The following CADM1 variants were observed in gnomAD, a reference collection of about 807,000 sequenced individuals.
CADM1 encodes TSLC-1.
In CADM1, 15 loss-of-function variants were observed where a neutral mutation model predicts 53.1. The ratio of observed to expected loss-of-function variants is 0.28; its 90% CI spans 0.19 to 0.44. CADM1 has a LOEUF of 0.44. CADM1 is among the 20% of genes least tolerant of loss of function. CADM1 has a pLI of 1.00. For missense variants in CADM1, 434 were observed against 611.3 expected, an observed-to-expected ratio of 0.71 and a Z score of 3.06; for synonymous variants, 281 against 243.0, an observed-to-expected ratio of 1.16 and a Z score of -1.45.
At chr11:115,439,637 T>C (rs1228300696) in intron 1 of CADM1, among the ~76,000 whole-genome samples, 2 of 152,222 alleles carry the variant, frequency 1.3e-5, no homozygotes, top group Non-Finnish European at 2.9e-5. Flanking sequence ...CATAAATTAT[T>C]ATGCAAAGTC....
At chr11:115,351,527 G>C (rs1290941092) in intron 1 of CADM1, among the ~76,000 whole-genome samples, 1 of 152,174 alleles carries the variant, frequency 6.6e-6, no homozygotes, top group Non-Finnish European at 1.5e-5. Context: ...ACATCAGTAA[G>C]ACTGAAATCA....
intron 1 of CADM1, among the ~76,000 whole-genome samples, chr11:115,382,096 C>T (rs1044677425): frequency 7.2e-5 from 11 of 152,210 alleles, no homozygotes; most frequent in East Asian, 1.9e-4. Flanking sequence ...CCACCCGCCT[C>T]GGCCTCCCAA....
In CADM1 at chr11:115,230,869, A is replaced by G. The variant is rs557601967; in HGVS notation, c.562+484T>C. The stretch of plus-strand genomic sequence containing the variant: ...TTGCAGGAAAGCATATAGTCAACAC[A>G]GGTGATAGTGCAATAGACGTCAGAA... On this transcript the variant is annotated intron_variant, in intron 4 of 11. Coordinates refer to ENST00000331581, the MANE Select transcript of CADM1 (RefSeq NM_001301043.2). 1.2e-4 allele frequency among the ~76,000 whole-genome samples: 18 copies of G among 152,370 alleles called. No individual in the cohort carries two copies. In the East Asian group the frequency reaches 3.5e-3, roughly 29 times the overall value.
Position 115,326,341 on chromosome 11 carries a change from T to A in CADM1, c.125-85921A>T, listed in dbSNP as rs184240303. ...ATAACCTCTGGTTTCTGGGTTCTAA[T>A]AAAGAAGAACTTTTGAAGCATGTAT... is the stretch of plus-strand genomic sequence containing the variant. On this transcript the variant is annotated intron_variant, in intron 1 of 11. Coordinates refer to ENST00000331581, the MANE Select transcript of CADM1 (RefSeq NM_001301043.2). Among the ~76,000 whole-genome samples, 7 of 152,280 alleles carry A rather than the reference T, an allele frequency of 4.6e-5. No individual in the cohort carries two copies. In the East Asian group the frequency reaches 1.4e-3, roughly 29 times the overall value.
intron 4 of CADM1, 136 bp downstream of exon 4, chr11:115,231,217 T>C: frequency 1.0e-6 from 1 of 981,338 alleles, no homozygotes; most frequent in Non-Finnish European, 1.6e-6. Context: ...CAGACATATT[T>C]AGTAACTGAT....
chr11:115,420,736 A>C (rs1947733553), intron 1 of CADM1, among the ~76,000 whole-genome samples: 1 of 152,124 alleles, frequency 6.6e-6, no homozygotes, highest in Non-Finnish European at 1.5e-5. Flanking sequence ...TTGAGCTGTA[A>C]ATCTTAATGA....
chr11:115,356,169 T>C (rs1354975065), intron 1 of CADM1, among the ~76,000 whole-genome samples: 1 of 151,432 alleles, frequency 6.6e-6, no homozygotes, highest in Non-Finnish European at 1.5e-5. Flanking sequence ...GATAAGAAGT[T>C]ACTAGCCCAT....
intron 1 of CADM1, among the ~76,000 whole-genome samples, chr11:115,491,820 G>A (rs1464668945): frequency 6.6e-6 from 1 of 152,126 alleles, no homozygotes; most frequent in African/African-American, 2.4e-5. Context: ...GATGAAGCTG[G>A]AAACCATCAT....
At chr11:115,453,541 C>T (rs577443432) in intron 1 of CADM1, among the ~76,000 whole-genome samples, 1 of 152,274 alleles carries the variant, frequency 6.6e-6, no homozygotes, top group East Asian at 1.9e-4. Context: ...CTCTGTCACC[C>T]AGGCTGGAGT....
intron 1 of CADM1, among the ~76,000 whole-genome samples, chr11:115,433,572 A>G (rs1391915343): frequency 6.6e-6 from 1 of 152,236 alleles, no homozygotes; most frequent in Non-Finnish European, 1.5e-5. Context: ...AAGGAACAGA[A>G]GGAAGCAAAC....
chr11:115,195,552 A>C (rs1003560261), intron 9 of CADM1, among the ~76,000 whole-genome samples: 3 of 152,230 alleles, frequency 2.0e-5, no homozygotes, highest in Admixed American at 6.5e-5. Context: ...ACCTTTCAAC[A>C]TTTCTAGGCC....
intron 1 of CADM1, among the ~76,000 whole-genome samples, chr11:115,491,566 A>G (rs1949497940): frequency 6.7e-6 from 1 of 149,142 alleles, no homozygotes; most frequent in Non-Finnish European, 1.5e-5. Flanking sequence ...ACTCCATCTC[A>G]AAAAAAAAAG....
intron 1 of CADM1, among the ~76,000 whole-genome samples, chr11:115,286,739 T>C (rs1943739008): frequency 6.6e-6 from 1 of 152,124 alleles, no homozygotes; most frequent in African/African-American, 2.4e-5. Flanking sequence ...TCCCCCCAGT[T>C]AAGGAACAAT....
intron 1 of CADM1, among the ~76,000 whole-genome samples, chr11:115,495,541 GAGAA>G (rs1237526288): frequency 2.6e-5 from 4 of 152,172 alleles, no homozygotes; most frequent in Non-Finnish European, 5.9e-5. Flanking sequence ...CAGGTAGACT[GAGAA>G]AGAAAGGTTT....
intron 1 of CADM1, among the ~76,000 whole-genome samples, chr11:115,454,888 G>A (rs1482210237): frequency 6.6e-6 from 1 of 152,196 alleles, no homozygotes. Flanking sequence ...AGGGACAAGT[G>A]TGGCACCCTA....
intron 1 of CADM1, among the ~76,000 whole-genome samples, chr11:115,380,200 G>T (rs1404221767): frequency 7.6e-6 from 1 of 132,158 alleles, no homozygotes; most frequent in Non-Finnish European, 1.6e-5. Context: ...AAGTCAAACA[G>T]GAAACCAAGA....
At chr11:115,375,729 T>C (rs915566828) in intron 1 of CADM1, among the ~76,000 whole-genome samples, 8 of 152,180 alleles carry the variant, frequency 5.3e-5, no homozygotes, top group Admixed American at 1.3e-4. Context: ...TCAAGATATA[T>C]TGCACGTAGG....
intron 1 of CADM1, among the ~76,000 whole-genome samples, chr11:115,258,349 G>A (rs942566272): frequency 1.3e-5 from 2 of 152,162 alleles, no homozygotes; most frequent in African/African-American, 4.8e-5. Flanking sequence ...ATTCTGTGGT[G>A]ATGCATCGCC....
chr11:115,198,423 G>T lies in CADM1; in HGVS notation c.1094C>A (p.Thr365Lys). 1.3e-6 allele frequency: 2 copies of T among 1,595,698 alleles called. No homozygotes were observed. Among genetic ancestry groups the T allele is most frequent in the Non-Finnish European group, 1.7e-6 (2 of 1,178,610 alleles). The change falls in exon 9 of 12, where the codon ACA becomes AAA. Residue 365 changes from threonine (T) to lysine (K), a missense_variant. Thr to Lys is a moderately conservative substitution (Grantham distance 78, BLOSUM62 -1). Around this residue, in one of 4 missense-constraint regions of CADM1, gnomAD observed 311 missense variants for 435.1 expected, o/e 0.71. Coordinates refer to ENST00000331581, the MANE Select transcript of CADM1 (RefSeq NM_001301043.2). ...ATACCAACCGTGAACTGCTGGTTCT[G>T]TCGTCGCCGTTGTGTCTACAGACGG... ...LTIITDTTAT[T>K]EPAVHGLTQL...
Sources: gnomAD v4.1 joint callset for allele counts (sites outside exome capture counted in the v4.1 genomes callset) on GRCh38, gnomAD v4.1.1 for gene constraint, gnomAD v4.1.1 regional missense constraint, MANE v1.5 for transcripts, NCBI Gene and HGNC (gene_info 2026-07-23, HGNC 2026-07-21) for gene names.